Variants in TNFAIP8 observed in about 807,000 individuals in gnomAD.
TNFAIP8 encodes the protein tumor necrosis factor alpha-induced protein 8.
A neutral mutation model predicts 13.3 loss-of-function variants in TNFAIP8; 7 were observed. The ratio of observed to expected loss-of-function variants is 0.52; its 90% confidence interval spans 0.30 to 0.99. The LOEUF is 0.99. TNFAIP8 is among the 50% of genes least tolerant of loss of function. TNFAIP8 has a pLI of 0.07. For missense variants in TNFAIP8, 258 were observed against 236.9 expected (o/e 1.09, Z -0.58); for synonymous variants, 94 against 87.6 (o/e 1.07, Z -0.41).
intron 1 of TNFAIP8, chr5:119,333,609 C>T (rs56329027): frequency 0.25 from 385,913 of 1,533,784 alleles, 52,346 homozygotes; most frequent in Admixed American, 0.27. Flanking sequence ...TGATTGCACA[C>T]GGGGAGAAAA....
intron 1 of TNFAIP8, among the ~76,000 whole-genome samples, chr5:119,322,137 A>G (rs1009847406): frequency 3.5e-4 from 53 of 151,884 alleles, no homozygotes; most frequent in African/African-American, 1.2e-3. Context: ...CCTATCCAAA[A>G]TGCTCCTCTC....
At chr5:119,332,111 G>A (rs1750400554) in intron 1 of TNFAIP8, among the ~76,000 whole-genome samples, 1 of 152,154 alleles carries the variant, frequency 6.6e-6, no homozygotes, top group African/African-American at 2.4e-5. Flanking sequence ...GATAATGTAG[G>A]CCAAAGAAAA....
intron 1 of TNFAIP8, among the ~76,000 whole-genome samples, chr5:119,361,244 C>T (rs1580420666): frequency 6.6e-6 from 1 of 152,312 alleles, no homozygotes; most frequent in East Asian, 1.9e-4. Flanking sequence ...CCCCCCCAGC[C>T]GCTGACCAAG....
chr5:119,338,453 GCCTTAGGACTCTGCTC>G (rs1581617555), intron 1 of TNFAIP8, among the ~76,000 whole-genome samples: 1 of 152,284 alleles, frequency 6.6e-6, no homozygotes, highest in East Asian at 1.9e-4. Context: ...TTTTTCCCCA[GCCTTAGGACTCTGCTC>G]TCTGCTATCA....
chr5:119,306,231 G>A (rs1041467477), intron 1 of TNFAIP8: 3 of 152,060 alleles, frequency 2.0e-5, no homozygotes, highest in African/African-American at 7.2e-5. Flanking sequence ...ATCTCCTAGT[G>A]AATGTCTTCT....
intron 1 of TNFAIP8, among the ~76,000 whole-genome samples, chr5:119,334,875 T>TG (rs947989820): frequency 6.6e-6 from 1 of 152,068 alleles, no homozygotes; most frequent in Non-Finnish European, 1.5e-5. Flanking sequence ...AAGTGAGTTT[T>TG]GGGTAGAGTT....
intron 1 of TNFAIP8, among the ~76,000 whole-genome samples, chr5:119,366,671 A>G (rs1751868955): frequency 6.6e-6 from 1 of 152,194 alleles, no homozygotes; most frequent in African/African-American, 2.4e-5. Context: ...GGTTAAAGCC[A>G]TCACTTCCAA....
chr5:119,341,675 T>G (rs1750741350), intron 1 of TNFAIP8, among the ~76,000 whole-genome samples: 1 of 152,206 alleles, frequency 6.6e-6, no homozygotes, highest in Admixed American at 6.5e-5. Context: ...TGGAAGCACA[T>G]CAAAAGAAAT....
At chr5:119,275,450 T>C (rs1243348259) in intron 1 of TNFAIP8, among the ~76,000 whole-genome samples, 1 of 152,152 alleles carries the variant, frequency 6.6e-6, no homozygotes, top group African/African-American at 2.4e-5. Flanking sequence ...CAGCGGCGCA[T>C]GTTTGGAAGA....
chr5:119,315,993 C>G (rs1749881564), intron 1 of TNFAIP8, among the ~76,000 whole-genome samples: 1 of 152,136 alleles, frequency 6.6e-6, no homozygotes, highest in Non-Finnish European at 1.5e-5. Flanking sequence ...GGAAGTAATT[C>G]TGTCTTCCTA....
chr5:119,341,941 A>C (rs895125773), intron 1 of TNFAIP8, among the ~76,000 whole-genome samples: 3 of 151,538 alleles, frequency 2.0e-5, no homozygotes, highest in Non-Finnish European at 4.4e-5. Context: ...GCCAGGGCAG[A>C]ACTGGGAATG....
chr5:119,361,759 A>G (rs1479784290), intron 1 of TNFAIP8, among the ~76,000 whole-genome samples: 1 of 152,120 alleles, frequency 6.6e-6, no homozygotes, highest in African/African-American at 2.4e-5. Flanking sequence ...ATGTGTTTTC[A>G]TGTGGCCTAC....
chr5:119,325,094 A>G (rs1039692230), intron 1 of TNFAIP8, among the ~76,000 whole-genome samples: 1 of 152,094 alleles, frequency 6.6e-6, no homozygotes, highest in African/African-American at 2.4e-5. Flanking sequence ...AAAAAAAAAA[A>G]GACTGCATTA....
intron 1 of TNFAIP8, among the ~76,000 whole-genome samples, chr5:119,315,616 C>G (rs1749869458): frequency 6.6e-6 from 1 of 152,184 alleles, no homozygotes; most frequent in African/African-American, 2.4e-5. Context: ...AAGTTGGAGT[C>G]AGGCCCAGTG....
At chr5:119,330,554 T>C (rs11960246) in intron 1 of TNFAIP8, among the ~76,000 whole-genome samples, 14,582 of 152,112 alleles carry the variant, frequency 0.096, 799 homozygotes, top group African/African-American at 0.16. Flanking sequence ...CTCAGCCCTG[T>C]CCTATTGTGC....
chr5:119,359,054 C>T (rs977255060), intron 1 of TNFAIP8, among the ~76,000 whole-genome samples: 1 of 152,186 alleles, frequency 6.6e-6, no homozygotes, highest in Non-Finnish European at 1.5e-5. Context: ...ACTCCCTCAA[C>T]GTCCTGTTCC....
intron 1 of TNFAIP8, among the ~76,000 whole-genome samples, chr5:119,378,136 A>G (rs533008330): frequency 2.6e-5 from 4 of 152,314 alleles, no homozygotes; most frequent in African/African-American, 9.6e-5. Flanking sequence ...CTAAAGTACA[A>G]TCCTGGATGG....
chr5:119,310,112 A>G (rs1749684825), intron 1 of TNFAIP8, among the ~76,000 whole-genome samples: 1 of 151,874 alleles, frequency 6.6e-6, no homozygotes, highest in Non-Finnish European at 1.5e-5. Flanking sequence ...CCCCAAGGAG[A>G]TGGTTTTTAG....
chr5:119,389,157 A>C (rs1752797539), intron 1 of TNFAIP8, among the ~76,000 whole-genome samples: 2 of 152,160 alleles, frequency 1.3e-5, no homozygotes, highest in African/African-American at 2.4e-5. Context: ...TTGATTGAGC[A>C]AAAGGTTGGA....
Sources: allele counts gnomAD v4.1 joint callset (sites outside exome capture counted in the v4.1 genomes callset), GRCh38; gene constraint gnomAD v4.1.1; transcripts MANE v1.5; gene names NCBI Gene and HGNC (gene_info 2026-07-23, HGNC 2026-07-21).